The following SEMA6D variants were observed in gnomAD, a reference collection of about 807,000 sequenced individuals.
SEMA6D encodes semaphorin-6D.
A neutral mutation model predicts 106.6 loss-of-function variants in SEMA6D; 35 were observed. The observed-to-expected ratio is 0.33, with a 90% CI of 0.25 to 0.44. SEMA6D has a LOEUF of 0.44. Ranked by LOEUF, SEMA6D falls within the 20% of genes least tolerant of loss-of-function variation. The pLI is 1.00. For synonymous variants in SEMA6D, 499 were observed against 487.7 expected (o/e 1.02, Z -0.31); for missense variants, 1,185 against 1,345.9 (o/e 0.88, Z 1.87).
intron 3 of SEMA6D, among the ~76,000 whole-genome samples, chr15:47,597,550 A>T (rs1489066040): frequency 5.3e-5 from 8 of 152,060 alleles, no homozygotes; most frequent in Non-Finnish European, 7.4e-5. Flanking sequence ...AATGAAGAAA[A>T]TCTGTTTTGT....
intron 1 of SEMA6D, among the ~76,000 whole-genome samples, chr15:47,277,568 A>C (rs532639913): frequency 3.4e-5 from 5 of 147,588 alleles, no homozygotes; most frequent in Admixed American, 6.9e-5. Context: ...GCATTTTTAA[A>C]TTAAGGTATG....
At chr15:47,421,641 C>A (rs1301323499) in intron 2 of SEMA6D, among the ~76,000 whole-genome samples, 1 of 151,774 alleles carries the variant, frequency 6.6e-6, no homozygotes, top group Non-Finnish European at 1.5e-5. Flanking sequence ...TGAGTGTGTA[C>A]CATATGAGAT....
rs528877735 is a variant in SEMA6D at position 47,444,007 on chromosome 15, G to T, written c.-158-26467G>T. 7.2e-5 allele frequency among the ~76,000 whole-genome samples: 11 copies of T among 152,204 alleles called. No homozygotes were observed. In the South Asian group the frequency reaches 2.1e-3, roughly 29 times the overall value. On this transcript the variant is annotated intron_variant, in intron 2 of 19. Coordinates refer to the SEMA6D transcript ENST00000558014. ...GACAGTCATGGTATCTTGGGGATGT[G>T]GTCAGAATCCTAACCAGTGAATCAC...
At chr15:47,663,876 A>T (rs569130690) in intron 4 of SEMA6D, among the ~76,000 whole-genome samples, 106 of 152,310 alleles carry the variant, frequency 7.0e-4, no homozygotes, top group African/African-American at 2.4e-3. Context: ...GTTCAGCCCT[A>T]GAAATGTAAA....
intron 1 of SEMA6D, among the ~76,000 whole-genome samples, chr15:47,290,511 A>G (rs948758771): frequency 3.3e-5 from 5 of 152,140 alleles, no homozygotes; most frequent in African/African-American, 1.2e-4. Flanking sequence ...TAATCATTGA[A>G]TCATTTTAAA....
At chr15:47,229,078 C>T (rs2032008037) in intron 1 of SEMA6D, among the ~76,000 whole-genome samples, 1 of 151,992 alleles carries the variant, frequency 6.6e-6, no homozygotes, top group Non-Finnish European at 1.5e-5. Context: ...TGAGCGTATA[C>T]TAAAGAGACT....
In SEMA6D at chr15:47,242,908, G is replaced by A. The variant is rs370958368; in HGVS notation, c.-239+58490G>A. ...ATGTAAACATTTCTTAGAGAACTGA[G>A]GTTAACCCCTATTATTAAACAGCTG... is the stretch of plus-strand genomic sequence containing the variant. On this transcript the variant is annotated intron_variant, in intron 1 of 19. Transcript: ENST00000558014. 3.9e-5 allele frequency among the ~76,000 whole-genome samples: 6 copies of A among 152,136 alleles called. No individual in the cohort carries two copies. The South Asian group carries it at 1.2e-3, about 32-fold the overall frequency.
At chr15:47,672,352 A>G (rs1448536193) in intron 4 of SEMA6D, among the ~76,000 whole-genome samples, 1 of 152,184 alleles carries the variant, frequency 6.6e-6, no homozygotes, top group Non-Finnish European at 1.5e-5. Flanking sequence ...ACAGATTCAT[A>G]GAAAGTGAGG....
chr15:47,419,704 T>G (rs2140388222), intron 2 of SEMA6D, among the ~76,000 whole-genome samples: 1 of 152,156 alleles, frequency 6.6e-6, no homozygotes, highest in East Asian at 1.9e-4. Flanking sequence ...TTTCAACTAG[T>G]GCAAAAAGGT....
intron 1 of SEMA6D, among the ~76,000 whole-genome samples, chr15:47,750,502 G>A (rs2081369721): frequency 1.3e-5 from 2 of 152,092 alleles, no homozygotes; most frequent in South Asian, 4.2e-4. Context: ...GTGTCGGTGG[G>A]AGAAGAATCA....
At chr15:47,272,443 T>C (rs746802194) in intron 1 of SEMA6D, among the ~76,000 whole-genome samples, 1 of 152,190 alleles carries the variant, frequency 6.6e-6, no homozygotes, top group East Asian at 1.9e-4. Flanking sequence ...AGATGGTTCA[T>C]AGTTTTGCAT....
intron 1 of SEMA6D, among the ~76,000 whole-genome samples, chr15:47,326,443 A>G (rs1217368025): frequency 6.6e-6 from 1 of 152,234 alleles, no homozygotes. Flanking sequence ...TTTCTAAGGC[A>G]TTCACTTGGT....
intron 1 of SEMA6D, among the ~76,000 whole-genome samples, chr15:47,375,344 A>C (rs1018452643): frequency 6.6e-6 from 1 of 152,032 alleles, no homozygotes; most frequent in African/African-American, 2.4e-5. Flanking sequence ...GCCTCATACT[A>C]ATGTCCCCTT....
intron 4 of SEMA6D, among the ~76,000 whole-genome samples, chr15:47,626,539 A>G (rs910488982): frequency 2.6e-5 from 4 of 152,220 alleles, no homozygotes; most frequent in Non-Finnish European, 5.9e-5. Context: ...TTGTCATCCT[A>G]TAAAAACAAA....
At chr15:47,513,155 G>A (rs947258373) in intron 3 of SEMA6D, among the ~76,000 whole-genome samples, 3 of 151,828 alleles carry the variant, frequency 2.0e-5, no homozygotes, top group Non-Finnish European at 4.4e-5. Context: ...ACCTTTGGGT[G>A]GATATTGGGG....
At chr15:47,276,924 A>T (rs996158356) in intron 1 of SEMA6D, among the ~76,000 whole-genome samples, 25 of 152,282 alleles carry the variant, frequency 1.6e-4, no homozygotes, top group African/African-American at 6.0e-4. Flanking sequence ...TCATGGGAGG[A>T]GGTCAAGTTA....
intron 1 of SEMA6D, among the ~76,000 whole-genome samples, chr15:47,317,444 C>A (rs1250543458): frequency 1.3e-5 from 2 of 152,080 alleles, no homozygotes; most frequent in Non-Finnish European, 2.9e-5. Flanking sequence ...TTTCACTTAT[C>A]CTTCTCTAGT....
In SEMA6D at chr15:47,273,476, A is replaced by G. The variant is rs2034656072; in HGVS notation, c.-239+89058A>G. Among the ~76,000 whole-genome samples the G allele has an allele frequency of 2.6e-5, 4 of 152,226 alleles. No individual in the cohort carries two copies. The South Asian group carries it at 8.3e-4, about 32-fold the overall frequency. ...TTGATAGTGCTAATAGCTATATGAA[A>G]GGCAAAAATCCTCACTTAAATGATC... On this transcript the variant is annotated intron_variant, in intron 1 of 19. Coordinates refer to the SEMA6D transcript ENST00000558014.
chr15:47,191,885 G>A (rs1467318060), intron 1 of SEMA6D, among the ~76,000 whole-genome samples: 1 of 152,172 alleles, frequency 6.6e-6, no homozygotes, highest in Non-Finnish European at 1.5e-5. Flanking sequence ...GCAGAAAAGT[G>A]AGGCACAGAT....
Sources: gnomAD v4.1 joint callset for allele counts (sites outside exome capture counted in the v4.1 genomes callset) on GRCh38, gnomAD v4.1.1 for gene constraint, MANE v1.5 for transcripts, NCBI Gene and HGNC (gene_info 2026-07-23, HGNC 2026-07-21) for gene names.